The following CABYR variants were observed in gnomAD, a reference collection of about 807,000 sequenced individuals.
CABYR encodes the protein calcium-binding tyrosine phosphorylation-regulated protein.
In CABYR, 31 loss-of-function variants were observed where a neutral mutation model predicts 36.1. That is an observed-to-expected ratio of 0.86 (90% CI 0.64 to 1.16). The LOEUF is 1.16. Among genes scored for constraint, CABYR ranks in the 50% most tolerant of loss-of-function variants. CABYR has a pLI of 0.00. For missense variants in CABYR, 429 were observed against 455.8 expected (o/e 0.94, Z 0.53); for synonymous variants, 146 against 160.7 (o/e 0.91, Z 0.69).
intron 4 of CABYR, chr18:24,156,659 GCT>G: frequency 1.2e-6 from 2 of 1,614,182 alleles, no homozygotes; most frequent in Non-Finnish European, 1.7e-6. Flanking sequence ...CAACAGCTCT[GCT>G]CTCTGACACA....
rs753823524 is a variant in CABYR, at chr18:24,159,754, C to T, written c.824C>T (p.Pro275Leu). 6.2e-7 allele frequency: 1 copy of T among 1,613,916 alleles called. No individual in the cohort carries two copies. The highest frequency in any genetic ancestry group is 2.2e-5 in the East Asian group (1 of 44,862). ...SNVQEAQGWK[P>L]LPGHAVVSQS... ...GTTCAGGAAGCACAGGGATGGAAAC[C>T]TCTTCCTGGACATGCTGTCGTTTCA... The change falls in exon 5 of 6, where the codon CCT (proline) becomes CTT (leucine). Residue 275 changes from proline (P) to leucine (L), a missense_variant. By Grantham distance (98) the Pro-to-Leu change is moderately conservative (BLOSUM62 -3). Coordinates refer to ENST00000399496, the MANE Select transcript of CABYR (RefSeq NM_153769.3).
At chr18:24,153,546 T>C (rs2085692692) in intron 3 of CABYR, among the ~76,000 whole-genome samples, 1 of 152,164 alleles carries the variant, frequency 6.6e-6, no homozygotes, top group Admixed American at 6.5e-5. Flanking sequence ...GCTGGTGTGA[T>C]GGCAGCCTAT....
At chr18:24,155,170 C>A (rs556397876) in intron 3 of CABYR, among the ~76,000 whole-genome samples, 18 of 152,284 alleles carry the variant, frequency 1.2e-4, no homozygotes, top group African/African-American at 1.9e-4. Flanking sequence ...GTCTCCCCCC[C>A]ACCCAACCTT....
At chr18:24,156,116 T>C (rs2085776861) in intron 4 of CABYR, 74 bp downstream of exon 4, 1 of 1,614,072 alleles carries the variant, frequency 6.2e-7, no homozygotes. Flanking sequence ...TGCCTGTTGT[T>C]ATCAAGGAGG....
chr18:24,159,942 G>A lies in CABYR; in HGVS notation c.1012G>A (p.Val338Ile), dbSNP rs774502312. ...TGTTTTCCTTTCTGTTGCTTTCCCAGTAGAAGATGTAGCTAAAAAAAGTTC... is the reference window on the plus strand; with the variant it reads ...TGTTTTCCTTTCTGTTGCTTTCCCAATAGAAGATGTAGCTAAAAAAAGTTC... ...SPVFLSVAFP[V>I]EDVAKKSSGS... The change falls in exon 5 of 6, where the codon GTA becomes ATA. Residue 338 changes from valine to isoleucine, a missense_variant. Coordinates refer to ENST00000399496, the MANE Select transcript of CABYR (RefSeq NM_153769.3). 2 of 1,614,140 alleles carry A rather than the reference G, an allele frequency of 1.2e-6. No individual in the cohort carries two copies. The highest frequency in any genetic ancestry group is 4.5e-5 in the East Asian group (2 of 44,888).
intron 3 of CABYR, among the ~76,000 whole-genome samples, chr18:24,145,344 C>T (rs983916250): frequency 7.2e-5 from 11 of 152,254 alleles, no homozygotes; most frequent in East Asian, 3.9e-4. Context: ...TTATATAAAA[C>T]GAAGTCCAGC....
chr18:24,160,558 G>C (rs1056085811), intron 5 of CABYR, among the ~76,000 whole-genome samples: 1 of 152,190 alleles, frequency 6.6e-6, no homozygotes, highest in East Asian at 1.9e-4. Flanking sequence ...AACAACAGCT[G>C]AGATTAACTG....
Position 24,148,936 on chromosome 18 carries a change from C to T in CABYR, c.199+5523C>T, listed in dbSNP as rs113845921. Among the ~76,000 whole-genome samples the T allele has an allele frequency of 6.3e-3, 961 of 152,188 alleles. 12 individuals are homozygous for T. The highest frequency in any genetic ancestry group is 0.034 in the Middle Eastern group (10 of 294). On this transcript the variant is annotated intron_variant, in intron 3 of 5. Transcript: ENST00000399496. The stretch of plus-strand genomic sequence containing the variant: ...TCCACAGTGTGGAAGGGGACTTGAG[C>T]GGGTTGCCACTGCTGGCTCGAACAG...
chr18:24,156,632 A>G (rs1304510491), intron 4 of CABYR: 2 of 1,614,182 alleles, frequency 1.2e-6, no homozygotes, highest in African/African-American at 1.3e-5. Flanking sequence ...ATTCCTCAGT[A>G]TATATGGAGG....
intron 1 of CABYR, chr18:24,140,203 A>T (rs990195723): frequency 1.3e-5 from 2 of 152,262 alleles, no homozygotes; most frequent in Non-Finnish European, 2.9e-5. Context: ...CTGGGATTAC[A>T]GGCGTGAGCC....
rs2085892990 is a variant in CABYR, at chr18:24,159,614, T to A, written c.684T>A (p.Pro228=). The change falls in exon 5 of 6, where the codon CCT becomes CCA. Residue 228 remains proline, a synonymous_variant. Coordinates refer to ENST00000399496, the MANE Select transcript of CABYR (RefSeq NM_153769.3). ...TTCCCCAAGCAACCCTCTATTTACCTAATCCTAAGGATCCACAGTTTCAGC... is the reference window on the plus strand; with the variant it reads ...TTCCCCAAGCAACCCTCTATTTACCAAATCCTAAGGATCCACAGTTTCAGC... The part of the protein sequence containing the change: ...GPFPQATLYL[P]NPKDPQFQQH... 2 of 1,614,100 alleles carry A rather than the reference T, an allele frequency of 1.2e-6. No homozygotes were observed. The highest frequency in any genetic ancestry group is 1.7e-6 in the Non-Finnish European group (2 of 1,180,010).
In CABYR at chr18:24,159,927, T is replaced by A. The variant is rs780597630; in HGVS notation, c.997T>A (p.Ser333Thr). ...CAGGCCAAAAAGCCCTGTTTTCCTT[T>A]CTGTTGCTTTCCCAGTAGAAGATGT... Reference protein sequence around the residue: ...VPRPKSPVFLSVAFPVEDVAK... With the variant: ...VPRPKSPVFLTVAFPVEDVAK... Residue 333 changes from serine to threonine, a missense_variant, in exon 5 of 6, where the codon TCT becomes ACT. Transcript: ENST00000399496. The A allele has an allele frequency of 6.2e-7, 1 of 1,614,026 alleles. No homozygotes were observed. The highest frequency in any genetic ancestry group is 8.5e-7 in the Non-Finnish European group (1 of 1,180,034).
intron 3 of CABYR, among the ~76,000 whole-genome samples, chr18:24,154,855 G>A (rs1027959254): frequency 6.6e-6 from 1 of 152,096 alleles, no homozygotes; most frequent in Non-Finnish European, 1.5e-5. Flanking sequence ...TTTTCCTCAT[G>A]CCTGAGGATT....
At chr18:24,140,503 A>G (rs553347870) in intron 1 of CABYR, among the ~76,000 whole-genome samples, 9 of 6,478 alleles carry the variant, frequency 1.4e-3, no homozygotes, top group African/African-American at 1.5e-3. Flanking sequence ...TACAATGTTA[A>G]TCACATTGGG....
At chr18:24,145,952 A>G (rs919817865) in intron 3 of CABYR, among the ~76,000 whole-genome samples, 2 of 152,196 alleles carry the variant, frequency 1.3e-5, no homozygotes, top group African/African-American at 4.8e-5. Context: ...AGAGGATCAA[A>G]TTGATTTGCC....
chr18:24,141,148 T>G (rs1357034544), intron 1 of CABYR, among the ~76,000 whole-genome samples: 1 of 152,242 alleles, frequency 6.6e-6, no homozygotes, highest in Non-Finnish European at 1.5e-5. Flanking sequence ...AAGTTTTCAT[T>G]AAGGGATTCA....
In CABYR at chr18:24,159,358, G is replaced by A. The variant is rs2085884405; in HGVS notation, c.542-114G>A. 1.4e-5 allele frequency: 10 copies of A among 727,442 alleles called. No individual in the cohort carries two copies. In the Admixed American group the frequency reaches 1.6e-4, roughly 12 times the overall value. The allele number at this position is 727,442 out of a possible 1,614,324, so 45.1% of individuals were successfully genotyped here. A position where few individuals can be genotyped will look rare whatever the true frequency, so the allele number is the denominator to read the frequency against. ...CAGCCCTCTCTATAGCATGCTCTAC[G>A]GTACATATCACTACAGCTGTTTTAT... On this transcript the variant is annotated intron_variant, in intron 4 of 5. Coordinates refer to ENST00000399496, the MANE Select transcript of CABYR (RefSeq NM_153769.3).
chr18:24,153,179 G>A (rs2085682787), intron 3 of CABYR, among the ~76,000 whole-genome samples: 1 of 152,008 alleles, frequency 6.6e-6, no homozygotes, highest in Non-Finnish European at 1.5e-5. Context: ...CTGGTTAGCA[G>A]TACAGGAGGT....
intron 3 of CABYR, among the ~76,000 whole-genome samples, chr18:24,144,730 T>G (rs1217935403): frequency 2.0e-5 from 3 of 152,202 alleles, no homozygotes; most frequent in Non-Finnish European, 2.9e-5. Context: ...CTTACCCCTC[T>G]TTAGAAGGAG....
Sources: allele counts gnomAD v4.1 joint callset (sites outside exome capture counted in the v4.1 genomes callset), GRCh38; gene constraint gnomAD v4.1.1; transcripts MANE v1.5; gene names NCBI Gene and HGNC (gene_info 2026-07-23, HGNC 2026-07-21).